DOCK1: variants seen among roughly 807,000 people sequenced by gnomAD.
DOCK1 encodes dedicator of cytokinesis protein 1.
DOCK1 carries 138 observed loss-of-function variants against 262.7 expected under a neutral mutation model. That is an observed-to-expected ratio of 0.53 (90% CI 0.46 to 0.61). The LOEUF is 0.61. DOCK1 is among the 20% of genes least tolerant of loss of function. The pLI is 0.00. For synonymous variants in DOCK1, 866 were observed against 867.4 expected (o/e 1.00, Z 0.03); for missense variants, 1,908 against 2,370.7 (o/e 0.80, Z 4.05).
intron 38 of DOCK1, among the ~76,000 whole-genome samples, chr10:127,389,113 C>T (rs1241782899): frequency 6.6e-6 from 1 of 152,214 alleles, no homozygotes; most frequent in African/African-American, 2.4e-5. Flanking sequence ...CAGAACCCTG[C>T]AGGAGAAGCA....
chr10:127,262,989 C>CGT (rs1252973413), intron 29 of DOCK1, among the ~76,000 whole-genome samples: 4 of 152,180 alleles, frequency 2.6e-5, no homozygotes, highest in Non-Finnish European at 5.9e-5. Flanking sequence ...ACCCCAGAGC[C>CGT]GTGCCTGAGC....
intron 28 of DOCK1, among the ~76,000 whole-genome samples, chr10:127,249,430 TATACACACACACACAC>T (rs1410811746): frequency 1.5e-5 from 2 of 132,164 alleles, no homozygotes; most frequent in South Asian, 3.0e-4. Flanking sequence ...TACATATATA[TATACACACACACACAC>T]ACACACACAC....
chr10:127,445,227 G>T (rs1359378398), intron 50 of DOCK1, among the ~76,000 whole-genome samples: 1 of 152,182 alleles, frequency 6.6e-6, no homozygotes, highest in Non-Finnish European at 1.5e-5. Context: ...GATGGGGACG[G>T]CAGCAGAACC....
chr10:127,267,956 TC>T (rs1590205144), intron 29 of DOCK1, among the ~76,000 whole-genome samples: 1 of 152,276 alleles, frequency 6.6e-6, no homozygotes, highest in East Asian at 1.9e-4. Context: ...GGCTGTGTCT[TC>T]CGTGTCTTTT....
intron 27 of DOCK1, among the ~76,000 whole-genome samples, chr10:127,224,672 A>G (rs550699827): frequency 3.8e-4 from 58 of 152,086 alleles, no homozygotes; most frequent in African/African-American, 1.3e-3. Context: ...GTGAGCTCTG[A>G]TCACACCCCT....
At chr10:127,447,692 A>C in intron 51 of DOCK1, 147 bp downstream of exon 51, 1 of 1,282,432 alleles carries the variant, frequency 7.8e-7, no homozygotes, top group Non-Finnish European at 1.0e-6. Flanking sequence ...TTGATTTTGC[A>C]AAAAGATATC....
At chr10:127,022,129 C>A (rs1156796289) in intron 13 of DOCK1, among the ~76,000 whole-genome samples, 1 of 151,924 alleles carries the variant, frequency 6.6e-6, no homozygotes. Context: ...GAGCTCATTT[C>A]TTGCGTTTTT....
chr10:127,012,495 TGATCGTGGTGGA>T lies in DOCK1; in HGVS notation c.1201+124_1201+135del. 1 of 819,558 alleles carries T rather than the reference TGATCGTGGTGGA, an allele frequency of 1.2e-6. No homozygotes were observed. 50.8% of individuals were successfully genotyped at this position (819,558 alleles called of 1,614,324 possible). On this transcript the variant is annotated intron_variant, in intron 12 of 51. Coordinates refer to ENST00000623213, the MANE Select transcript of DOCK1 (RefSeq NM_001290223.2). The surrounding 1 kb of genome is among the most constrained non-coding windows in gnomAD (Gnocchi z 4.0). ...GTGGTGATAATGATGGGGATGACAGTGATCGTGGTGGAGAATGTGTGTGACAGTTGCCCCTGT... is the reference window on the plus strand; with the variant it reads ...GTGGTGATAATGATGGGGATGACAGTGAATGTGTGTGACAGTTGCCCCTGT...
At chr10:127,142,750 ACT>A (rs1291348551) in intron 27 of DOCK1, among the ~76,000 whole-genome samples, 2 of 151,524 alleles carry the variant, frequency 1.3e-5, no homozygotes, top group African/African-American at 4.9e-5. Context: ...CCACCCAAAC[ACT>A]CTGTGCCCTG....
At chr10:126,949,426 C>T (rs1427971970) in intron 1 of DOCK1, among the ~76,000 whole-genome samples, 2 of 152,118 alleles carry the variant, frequency 1.3e-5, no homozygotes, top group African/African-American at 2.4e-5. Context: ...GTGAACACAC[C>T]TACCAACTAT....
chr10:127,321,611 AG>A (rs1266426307), intron 29 of DOCK1, among the ~76,000 whole-genome samples: 2 of 151,718 alleles, frequency 1.3e-5, no homozygotes, highest in South Asian at 4.2e-4. Flanking sequence ...ATCCCCAAGG[AG>A]GTGCTCTGAA....
intron 29 of DOCK1, among the ~76,000 whole-genome samples, chr10:127,316,212 T>C (rs930054179): frequency 2.0e-5 from 3 of 152,182 alleles, no homozygotes; most frequent in African/African-American, 4.8e-5. Flanking sequence ...CAGCATATGA[T>C]ACAATATTAT....
chr10:127,196,345 G>C (rs1327514819), intron 27 of DOCK1, among the ~76,000 whole-genome samples: 1 of 148,722 alleles, frequency 6.7e-6, no homozygotes, highest in Non-Finnish European at 1.5e-5. Flanking sequence ...GCGACGCGGC[G>C]GAGCCAGCCA....
chr10:127,357,002 A>G (rs1436238716), intron 32 of DOCK1, among the ~76,000 whole-genome samples: 1 of 152,126 alleles, frequency 6.6e-6, no homozygotes, highest in Admixed American at 6.5e-5. Context: ...AATTAGAGAC[A>G]CCACCCTAGC....
At chr10:126,963,370 C>T (rs906333318) in intron 1 of DOCK1, among the ~76,000 whole-genome samples, 93 of 152,228 alleles carry the variant, frequency 6.1e-4, no homozygotes, top group African/African-American at 2.1e-3. Context: ...TTATTTCTCT[C>T]AGCAACATTT....
intron 29 of DOCK1, among the ~76,000 whole-genome samples, chr10:127,271,499 T>A (rs890862124): frequency 1.8e-4 from 28 of 152,354 alleles, no homozygotes; most frequent in African/African-American, 6.5e-4. Context: ...TAATTGTAAT[T>A]TTTCCATGGA....
chr10:127,194,432 T>C (rs952946690), intron 27 of DOCK1, among the ~76,000 whole-genome samples: 1 of 152,190 alleles, frequency 6.6e-6, no homozygotes, highest in African/African-American at 2.4e-5. Context: ...AAGATAAATA[T>C]GAACTTTCAA....
At chr10:127,440,922 T>C (rs971866765) in intron 49 of DOCK1, among the ~76,000 whole-genome samples, 4 of 152,210 alleles carry the variant, frequency 2.6e-5, no homozygotes, top group Non-Finnish European at 5.9e-5. Flanking sequence ...TTCTGGAAAG[T>C]TGAGATGCCC....
intron 27 of DOCK1, among the ~76,000 whole-genome samples, chr10:127,221,847 T>C (rs116007195): frequency 6.8e-4 from 103 of 152,348 alleles, no homozygotes; most frequent in African/African-American, 2.4e-3. Context: ...ATTTCCTTAA[T>C]TTAATGGAAT....
Sources: allele counts gnomAD v4.1 joint callset (sites outside exome capture counted in the v4.1 genomes callset), GRCh38; gene constraint gnomAD v4.1.1; non-coding constraint Gnocchi (gnomAD v3.1); transcripts MANE v1.5; gene names NCBI Gene and HGNC (gene_info 2026-07-23, HGNC 2026-07-21).